Variants in MMP24 observed in about 807,000 individuals in gnomAD.
MMP24 encodes matrix metalloproteinase-24.
In MMP24, 25 loss-of-function variants were observed where a neutral mutation model predicts 62.8. That is an observed-to-expected ratio of 0.40 (90% CI 0.29 to 0.56). The LOEUF (loss-of-function observed/expected upper bound fraction) is 0.56, where lower values mean the gene tolerates loss of function less well. Among genes scored for constraint, MMP24 ranks in the 20% least tolerant of loss-of-function variants. MMP24 has a pLI of 0.50. For missense variants in MMP24, 634 were observed against 853.6 expected (o/e 0.74, Z 3.21); for synonymous variants, 319 against 350.5 (o/e 0.91, Z 1.00).
Position 35,274,195 on chromosome 20 carries a change from T to C in MMP24, c.1601-77T>C, listed in dbSNP as rs981139007. ...CTTGCCTCCCTTGCCACAGTGCCTG[T>C]GCCCTCCTTTTCACACTGCCCCAGA... On this transcript the variant is annotated intron_variant, in intron 8 of 8. Coordinates refer to ENST00000246186, the MANE Select transcript of MMP24 (RefSeq NM_006690.4). The surrounding 1 kb of genome is among the most constrained non-coding windows in gnomAD (Gnocchi z 5.1). 3 of 1,416,758 alleles carry C rather than the reference T, an allele frequency of 2.1e-6. No individual in the cohort carries two copies. In the Admixed American group the frequency reaches 5.5e-5, roughly 26 times the overall value. The allele number at this position is 1,416,758 out of a possible 1,614,324, so 87.8% of individuals were successfully genotyped here.
At chr20:35,238,847 C>A (rs1032292670) in intron 1 of MMP24, among the ~76,000 whole-genome samples, 1 of 152,162 alleles carries the variant, frequency 6.6e-6, no homozygotes, top group African/African-American at 2.4e-5. Context: ...CCACATGGTT[C>A]TTCCACTAGA....
intron 5 of MMP24, 64 bp downstream of exon 5, chr20:35,264,016 C>A: frequency 1.3e-6 from 2 of 1,496,512 alleles, no homozygotes; most frequent in South Asian, 2.6e-5. Context: ...GCCTACCTGT[C>A]ATGGGGCAGG....
Position 35,271,438 on chromosome 20 carries a change from T to C in MMP24, c.1334-131T>C. ...CCAGGATCTGTGACTGGCCTCAGGCTTCGTGCCCTTCCCAACTCTAACTGG... is the reference window on the plus strand; with the variant it reads ...CCAGGATCTGTGACTGGCCTCAGGCCTCGTGCCCTTCCCAACTCTAACTGG... On this transcript the variant is annotated intron_variant, in intron 7 of 8. Transcript: ENST00000246186. The surrounding 1 kb of genome is among the most constrained non-coding windows in gnomAD (Gnocchi z 4.0). 2 of 1,199,032 alleles carry C rather than the reference T, an allele frequency of 1.7e-6. No individual in the cohort carries two copies. 74.3% of individuals were successfully genotyped at this position (1,199,032 alleles called of 1,614,324 possible).
intron 1 of MMP24, among the ~76,000 whole-genome samples, chr20:35,234,530 C>G (rs546700856): frequency 2.0e-5 from 3 of 152,118 alleles, no homozygotes; most frequent in African/African-American, 7.2e-5. Context: ...GACAGATAGC[C>G]CTCCCTGATG....
At chr20:35,228,235 G>C (rs2060423621) in intron 1 of MMP24, among the ~76,000 whole-genome samples, 1 of 152,122 alleles carries the variant, frequency 6.6e-6, no homozygotes, top group African/African-American at 2.4e-5. Context: ...TCTAGGCGAG[G>C]ACCCCTAGAT....
In MMP24 at chr20:35,251,947, C is replaced by T. The variant is rs1226705395; in HGVS notation, c.438C>T (p.His146=). ...KPRCGVPDHP[H]LSRRRRNKRY... is the part of the protein sequence containing the mutation. ...GATGTGGTGTCCCTGATCACCCCCA[C>T]TTAAGCCGTAGGCGGAGAAACAAGC... The change falls in exon 3 of 9, where the codon CAC becomes CAT. Residue 146 remains histidine (H), a synonymous_variant. Transcript: ENST00000246186. The T allele has an allele frequency of 6.2e-7, 1 of 1,613,912 alleles. No individual in the cohort carries two copies. Among genetic ancestry groups the T allele is most frequent in the African/African-American group, 1.3e-5 (1 of 74,924 alleles).
intron 1 of MMP24, among the ~76,000 whole-genome samples, chr20:35,232,506 C>T (rs964586149): frequency 6.6e-5 from 10 of 152,168 alleles, no homozygotes; most frequent in African/African-American, 2.2e-4. Flanking sequence ...TGCCGGGAAG[C>T]ACCGAAGAGG....
In MMP24 at chr20:35,269,272, A is replaced by T. The variant is rs1018907049; in HGVS notation, c.1195-488A>T. On this transcript the variant is annotated intron_variant, in intron 6 of 8. Coordinates refer to ENST00000246186, the MANE Select transcript of MMP24 (RefSeq NM_006690.4). The surrounding 1 kb of genome is among the most constrained non-coding windows in gnomAD (Gnocchi z 4.6). ...CAGGTGAGGCCTAGGTCATGCAGCT[A>T]TAAATGGAGGAATGTGAATTCATGC... Among the ~76,000 whole-genome samples, 1 of 152,230 alleles carries T rather than the reference A, an allele frequency of 6.6e-6. No individual in the cohort carries two copies. The highest frequency in any genetic ancestry group is 6.5e-5 in the Admixed American group (1 of 15,282).
intron 3 of MMP24, 117 bp downstream of exon 3, chr20:35,252,138 A>G (rs1262233214): frequency 5.0e-6 from 4 of 795,822 alleles, no homozygotes; most frequent in Non-Finnish European, 8.4e-6. Context: ...CTTACAACAT[A>G]GGCCAAGAGC....
chr20:35,271,871 C>T lies in MMP24; in HGVS notation c.1600+36C>T. On this transcript the variant is annotated intron_variant, in intron 8 of 8. Coordinates refer to ENST00000246186, the MANE Select transcript of MMP24 (RefSeq NM_006690.4). The surrounding 1 kb of genome is among the most constrained non-coding windows in gnomAD (Gnocchi z 4.0). Reference sequence around the variant, plus strand: ...GCCGGGCCAGGGTGGGCATGGGGAGCCGGTTTTATGTGGTCCTCACCAGTG... The same window carrying T: ...GCCGGGCCAGGGTGGGCATGGGGAGTCGGTTTTATGTGGTCCTCACCAGTG... 1 of 1,583,114 alleles carries T rather than the reference C, an allele frequency of 6.3e-7. No individual in the cohort carries two copies. The highest frequency in any genetic ancestry group is 8.6e-7 in the Non-Finnish European group (1 of 1,166,980).
At chr20:35,229,199 C>G (rs1403266146) in intron 1 of MMP24, among the ~76,000 whole-genome samples, 5 of 152,236 alleles carry the variant, frequency 3.3e-5, no homozygotes, top group Non-Finnish European at 5.9e-5. Context: ...CTCACTCTCT[C>G]TCTCCCTTCC....
intron 2 of MMP24, among the ~76,000 whole-genome samples, chr20:35,247,999 C>G (rs1219209446): frequency 6.6e-6 from 1 of 152,104 alleles, no homozygotes; most frequent in Non-Finnish European, 1.5e-5. Context: ...CTTAAACTTG[C>G]TTAAGAAAGC....
At chr20:35,270,076 T>G (rs2060660440) in intron 7 of MMP24, among the ~76,000 whole-genome samples, 178 bp downstream of exon 7, 1 of 152,170 alleles carries the variant, frequency 6.6e-6, no homozygotes, top group Admixed American at 6.6e-5. Flanking sequence ...AATCTGTATG[T>G]GCCGAGATTG....
chr20:35,239,174 G>A (rs2060476977), intron 1 of MMP24, among the ~76,000 whole-genome samples: 1 of 151,810 alleles, frequency 6.6e-6, no homozygotes, highest in Non-Finnish European at 1.5e-5. Context: ...AGCCTCCCGA[G>A]TAGCTAGGAT....
chr20:35,270,827 G>A (rs967983758), intron 7 of MMP24, among the ~76,000 whole-genome samples: 2 of 152,230 alleles, frequency 1.3e-5, no homozygotes, highest in Admixed American at 6.5e-5. Flanking sequence ...ATCACCTGAG[G>A]TCAGGAGTTT....
intron 4 of MMP24, 63 bp from the exon 5 acceptor site, chr20:35,263,728 G>A: frequency 7.3e-7 from 1 of 1,375,298 alleles, no homozygotes. Context: ...GAGGTAATGG[G>A]TTGGCTGACC....
At chr20:35,241,566 G>T (rs1022536480) in intron 1 of MMP24, among the ~76,000 whole-genome samples, 5 of 152,170 alleles carry the variant, frequency 3.3e-5, no homozygotes, top group African/African-American at 9.7e-5. Flanking sequence ...ATTTGCCTAT[G>T]ACCTGAGTCC....
chr20:35,248,259 C>T (rs1234004903), intron 2 of MMP24, among the ~76,000 whole-genome samples: 1 of 150,976 alleles, frequency 6.6e-6, no homozygotes, highest in Non-Finnish European at 1.5e-5. Context: ...TGTTCATTTG[C>T]AAAGGAGGGT....
intron 1 of MMP24, among the ~76,000 whole-genome samples, chr20:35,227,772 A>G (rs2060421172): frequency 6.6e-6 from 1 of 152,182 alleles, no homozygotes; most frequent in Non-Finnish European, 1.5e-5. Flanking sequence ...TTCAATCCTC[A>G]TAACTACTCT....
Sources: gnomAD v4.1 joint callset for allele counts (sites outside exome capture counted in the v4.1 genomes callset) on GRCh38, gnomAD v4.1.1 for gene constraint, Gnocchi (gnomAD v3.1) non-coding constraint, MANE v1.5 for transcripts, NCBI Gene and HGNC (gene_info 2026-07-23, HGNC 2026-07-21) for gene names.